Variants in ADIG observed in about 807,000 individuals in gnomAD.
ADIG encodes adipogenesis associated.
ADIG carries 12 observed loss-of-function variants against 10.7 expected under a neutral mutation model. That is an observed-to-expected ratio of 1.12 (90% CI 0.72 to 1.82). The LOEUF (loss-of-function observed/expected upper bound fraction) is 1.82, where lower values mean the gene tolerates loss of function less well. Ranked by LOEUF, ADIG falls within the 40% of genes most tolerant of loss-of-function variation. The pLI is 0.00. For missense variants in ADIG, 72 were observed against 92.5 expected, an observed-to-expected ratio of 0.78 and a Z score of 0.91; for synonymous variants, 32 against 35.6, an observed-to-expected ratio of 0.90 and a Z score of 0.36.
chr20:38,585,342 G>T (rs1209216365), intron 1 of ADIG: 2 of 1,439,166 alleles, frequency 1.4e-6, no homozygotes, highest in Admixed American at 4.0e-5. Flanking sequence ...ACGTGTGCAG[G>T]TTTTCAAAAC....
At chr20:38,585,653 G>C in intron 1 of ADIG, 3 of 967,412 alleles carry the variant, frequency 3.1e-6, no homozygotes, top group Middle Eastern at 2.9e-4. Context: ...GGAGATCATT[G>C]TGCCTTTGTA....
intron 2 of ADIG, among the ~76,000 whole-genome samples, chr20:38,586,965 G>A (rs751658653): frequency 1.3e-5 from 2 of 152,026 alleles, no homozygotes; most frequent in East Asian, 3.9e-4. Flanking sequence ...CATTCCAGTG[G>A]GGTTAGATGC....
At chr20:38,587,803 T>C (rs1825069569) in intron 2 of ADIG, among the ~76,000 whole-genome samples, 1 of 149,512 alleles carries the variant, frequency 6.7e-6, no homozygotes, top group South Asian at 2.1e-4. Flanking sequence ...AGTAGCGCAA[T>C]CTCAGTTTAC....
rs1310575674 is a variant in ADIG at position 38,581,389 on chromosome 20, C to T, written c.124+15C>T. 3 of 1,613,838 alleles carry T rather than the reference C, an allele frequency of 1.9e-6. No individual in the cohort carries two copies. Among genetic ancestry groups the T allele is most frequent in the Non-Finnish European group, 2.5e-6 (3 of 1,179,788 alleles). ...ACTTAGCCAAGGTGAGCTTCTTACCCCGTCCAGGCAGGACCCTAATCCTGG... is the reference window on the plus strand; with the variant it reads ...ACTTAGCCAAGGTGAGCTTCTTACCTCGTCCAGGCAGGACCCTAATCCTGG... On this transcript the variant is annotated intron_variant, in intron 1 of 2. Coordinates refer to ENST00000537425, the MANE Select transcript of ADIG (RefSeq NM_001393816.1).
intron 1 of ADIG, among the ~76,000 whole-genome samples, chr20:38,582,821 TA>T (rs1488007693): frequency 7.2e-5 from 11 of 151,998 alleles, no homozygotes; most frequent in African/African-American, 1.9e-4. Context: ...CTTTTTTTTT[TA>T]TTTTTATTTT....
Position 38,585,402 on chromosome 20 carries a change from A to C in ADIG, c.125-627A>C, listed in dbSNP as rs146067681. The stretch of plus-strand genomic sequence containing the variant: ...GCTTTTCAAAACAAAAAGATCCTAC[A>C]TTTCTTTTTAATTTGCTTATAATAT... On this transcript the variant is annotated intron_variant, in intron 1 of 2. Coordinates refer to ENST00000537425, the MANE Select transcript of ADIG (RefSeq NM_001393816.1). 9.3e-4 allele frequency: 1,443 copies of C among 1,548,044 alleles called. 9 individuals are homozygous for C. Among genetic ancestry groups the C allele is most frequent in the Middle Eastern group, 5.3e-3 (32 of 5,990 alleles).
intron 1 of ADIG, among the ~76,000 whole-genome samples, chr20:38,582,556 A>G (rs1008674626): frequency 6.6e-6 from 1 of 152,200 alleles, no homozygotes; most frequent in African/African-American, 2.4e-5. Context: ...TGCTAGCCCC[A>G]TGATCTCAAA....
chr20:38,583,870 C>T (rs1028950222), intron 1 of ADIG, among the ~76,000 whole-genome samples: 1 of 152,198 alleles, frequency 6.6e-6, no homozygotes, highest in African/African-American at 2.4e-5. Flanking sequence ...GCATTCCTCC[C>T]TCAGGTTCTC....
rs2088592700 is a variant in ADIG, at chr20:38,581,633, T to TGAGTCCTAGAGTTTGAACCTAGAGCTC, written c.124+262_124+263insTCCTAGAGTTTGAACCTAGAGCTCGAG. Among the ~76,000 whole-genome samples the TGAGTCCTAGAGTTTGAACCTAGAGCTC allele has an allele frequency of 1.4e-5, 2 of 144,972 alleles. 1 individual carries two copies. Among genetic ancestry groups the TGAGTCCTAGAGTTTGAACCTAGAGCTC allele is most frequent in the Admixed American group, 1.3e-4 (2 of 14,868 alleles). On this transcript the variant is annotated intron_variant, in intron 1 of 2. Transcript: ENST00000537425. ...AGTCCTAGAGTTTGAACCTAGAGTT[T>TGAGTCCTAGAGTTTGAACCTAGAGCTC]GAGAGTGAGTCCTAGAGTTTGAACC...
At chr20:38,586,914 C>T (rs1569001267) in intron 2 of ADIG, among the ~76,000 whole-genome samples, 1 of 152,086 alleles carries the variant, frequency 6.6e-6, no homozygotes, top group East Asian at 1.9e-4. Flanking sequence ...ATGCTGTACC[C>T]AAAGGCCCTT....
chr20:38,581,461 A>G lies in ADIG; in HGVS notation c.124+87A>G, dbSNP rs529069781. 4 of 1,562,412 alleles carry G rather than the reference A, an allele frequency of 2.6e-6. No homozygotes were observed. In the African/African-American group the frequency reaches 5.5e-5, roughly 21 times the overall value. ...GGCCAGTGTGTCCTGAAACAACTGCAGAAGGGGCTTCCTTCAGTCATTTTA... is the reference window on the plus strand; with the variant it reads ...GGCCAGTGTGTCCTGAAACAACTGCGGAAGGGGCTTCCTTCAGTCATTTTA... On this transcript the variant is annotated intron_variant, in intron 1 of 2. Coordinates refer to ENST00000537425, the MANE Select transcript of ADIG (RefSeq NM_001393816.1).
intron 1 of ADIG, among the ~76,000 whole-genome samples, chr20:38,581,897 A>G (rs2145577111): frequency 6.6e-6 from 1 of 152,330 alleles, no homozygotes; most frequent in South Asian, 2.1e-4. Context: ...TGCCTAAGCC[A>G]TGTATCAGAA....
At chr20:38,588,077 T>C (rs1244146674) in intron 2 of ADIG, 24 bp from the exon 3 acceptor site, 3 of 1,283,984 alleles carry the variant, frequency 2.3e-6, no homozygotes, top group Admixed American at 2.4e-5. Flanking sequence ...GCATCCCTAG[T>C]CCCAACCTTC....
At chr20:38,585,691 G>C in intron 1 of ADIG, 1 of 711,490 alleles carries the variant, frequency 1.4e-6, no homozygotes, top group East Asian at 2.7e-5. Context: ...GAATGAACTA[G>C]TGGACTAGTG....
chr20:38,584,769 C>T (rs1189589436), intron 1 of ADIG, among the ~76,000 whole-genome samples: 1 of 152,206 alleles, frequency 6.6e-6, no homozygotes, highest in East Asian at 1.9e-4. Context: ...AGTCACTTCA[C>T]GCTATCCTAC....
rs1356901555 is a variant in ADIG at position 38,586,180 on chromosome 20, C to A, written c.*14+19C>A. 6.4e-7 allele frequency: 1 copy of A among 1,553,476 alleles called. No homozygotes were observed. ...GTGCCAGGTGAGGCCCTTCCAGGGG[C>A]CAGGGGGAGCCTCAAGGCCCACCCA... On this transcript the variant is annotated intron_variant, in intron 2 of 2. Coordinates refer to ENST00000537425, the MANE Select transcript of ADIG (RefSeq NM_001393816.1).
intron 1 of ADIG, among the ~76,000 whole-genome samples, chr20:38,584,370 G>A (rs1380577155): frequency 6.6e-6 from 1 of 152,190 alleles, no homozygotes; most frequent in African/African-American, 2.4e-5. Flanking sequence ...CCCTGCTGCC[G>A]GCATTTTCCT....
chr20:38,587,989 C>T (rs773799321), intron 2 of ADIG, 112 bp from the exon 3 acceptor site: 125 of 1,181,138 alleles, frequency 1.1e-4, no homozygotes, highest in South Asian at 1.0e-3. Context: ...CCACCTGCCT[C>T]GGCTTCCCAA....
At chr20:38,582,132 G>A (rs1358500476) in intron 1 of ADIG, among the ~76,000 whole-genome samples, 1 of 152,196 alleles carries the variant, frequency 6.6e-6, no homozygotes, top group Admixed American at 6.5e-5. Flanking sequence ...TCTTCCTGCT[G>A]GACACAGTGG....
Sources: gnomAD v4.1 joint callset for allele counts (sites outside exome capture counted in the v4.1 genomes callset) on GRCh38, gnomAD v4.1.1 for gene constraint, MANE v1.5 for transcripts, NCBI Gene and HGNC (gene_info 2026-07-23, HGNC 2026-07-21) for gene names.